WWC1: variants seen among roughly 807,000 people sequenced by gnomAD.
The protein encoded by WWC1 is WW and C2 domain containing 1.
Under a neutral mutation model 138.4 loss-of-function variants are expected in WWC1, and 55 were observed. The ratio of observed to expected loss-of-function variants is 0.40; its 90% confidence interval spans 0.32 to 0.50. WWC1 has a LOEUF of 0.50. Among genes scored for constraint, WWC1 ranks in the 20% least tolerant of loss-of-function variants. The pLI is 0.72. For missense variants in WWC1, 1,226 were observed against 1,420.4 expected, an observed-to-expected ratio of 0.86 and a Z score of 2.20; for synonymous variants, 524 against 564.9, an observed-to-expected ratio of 0.93 and a Z score of 1.03.
chr5:168,467,381 C>T (rs1757389518), intron 21 of WWC1, among the ~76,000 whole-genome samples: 1 of 152,174 alleles, frequency 6.6e-6, no homozygotes, highest in Non-Finnish European at 1.5e-5. Context: ...AAAGTGTTTA[C>T]ATACGTTTAC....
At chr5:168,400,211 A>C (rs752497815) in intron 5 of WWC1, among the ~76,000 whole-genome samples, 1 of 149,446 alleles carries the variant, frequency 6.7e-6, no homozygotes, top group African/African-American at 2.5e-5. Flanking sequence ...TTCGGGGTAC[A>C]TGTGCAGGTT....
chr5:168,342,691 G>T (rs1237698843), intron 1 of WWC1, among the ~76,000 whole-genome samples: 1 of 152,072 alleles, frequency 6.6e-6, no homozygotes, highest in Non-Finnish European at 1.5e-5. Flanking sequence ...GGAGGAGGGG[G>T]TTCATGGAAA....
intron 19 of WWC1, among the ~76,000 whole-genome samples, chr5:168,457,925 T>C (rs1319161575): frequency 1.3e-5 from 2 of 151,894 alleles, no homozygotes; most frequent in Non-Finnish European, 2.9e-5. Flanking sequence ...CAAGAGACAA[T>C]AGTAATAGAC....
Position 168,464,714 on chromosome 5 carries a change from T to TTCCC in WWC1, c.2917-15_2917-14insTCCC. ...AGAGCTCTAATAACAAGAGAAGCCG[T>TTCCC]CCCCACCCCCACAGCCTTCCTCGGT... On this transcript the variant is annotated splice_polypyrimidine_tract_variant and intron_variant, in intron 20 of 22. Transcript: ENST00000265293. 6.2e-7 allele frequency: 1 copy of TTCCC among 1,613,862 alleles called. No homozygotes were observed. Among genetic ancestry groups the TTCCC allele is most frequent in the South Asian group, 1.1e-5 (1 of 91,048 alleles).
chr5:168,459,491 A>G (rs1378954956), intron 19 of WWC1, among the ~76,000 whole-genome samples: 1 of 152,108 alleles, frequency 6.6e-6, no homozygotes, highest in African/African-American at 2.4e-5. Context: ...CAACTATACA[A>G]GCTTCTTAAT....
chr5:168,358,059 C>G (rs1420214998), intron 1 of WWC1, among the ~76,000 whole-genome samples: 1 of 152,168 alleles, frequency 6.6e-6, no homozygotes, highest in Admixed American at 6.5e-5. Context: ...ACTTGGGACC[C>G]TTGCATGTGG....
intron 1 of WWC1, among the ~76,000 whole-genome samples, chr5:168,297,153 G>A (rs1769608247): frequency 6.6e-6 from 1 of 152,342 alleles, no homozygotes; most frequent in South Asian, 2.1e-4. Context: ...GTGAAGGTAG[G>A]TAGGGCAGCA....
At chr5:168,295,724 G>A (rs934488801) in intron 1 of WWC1, among the ~76,000 whole-genome samples, 15 of 152,118 alleles carry the variant, frequency 9.9e-5, no homozygotes, top group African/African-American at 3.6e-4. Context: ...TGTGCTGGCC[G>A]GCCAGGAGCT....
rs138361254 is a variant in WWC1 at position 168,425,436 on chromosome 5, A to G, written c.1810+1368A>G. The stretch of plus-strand genomic sequence containing the variant: ...GTTTAGGATTTAGGTACTTCTCTGC[A>G]TATTTACTCATTTAAGCCTTACAAC... On this transcript the variant is annotated intron_variant, in intron 11 of 22. Coordinates refer to ENST00000265293, the MANE Select transcript of WWC1 (RefSeq NM_015238.3). Among the ~76,000 whole-genome samples the G allele has an allele frequency of 9.4e-3, 1,433 of 151,794 alleles. 17 individuals are homozygous for G. The highest frequency in any genetic ancestry group is 0.015 in the Non-Finnish European group (1,037 of 67,980).
At chr5:168,429,240 G>A (rs1292849957) in intron 13 of WWC1, among the ~76,000 whole-genome samples, 1 of 150,638 alleles carries the variant, frequency 6.6e-6, no homozygotes, top group African/African-American at 2.4e-5. Flanking sequence ...TTTTGTTGGG[G>A]GATGATATGA....
intron 12 of WWC1, 53 bp from the exon 13 acceptor site, chr5:168,428,654 A>C: frequency 6.4e-7 from 1 of 1,571,344 alleles, no homozygotes; most frequent in Non-Finnish European, 8.8e-7. Flanking sequence ...GCCTCCCAGA[A>C]TAGTTTGTTC....
chr5:168,402,380 C>T, intron 5 of WWC1, among the ~76,000 whole-genome samples: 1 of 152,164 alleles, frequency 6.6e-6, no homozygotes, highest in South Asian at 2.1e-4. Flanking sequence ...GACTTAACCC[C>T]TGTGAGCTTT....
intron 3 of WWC1, among the ~76,000 whole-genome samples, chr5:168,389,293 A>C (rs950967368): frequency 2.6e-5 from 4 of 151,840 alleles, no homozygotes; most frequent in Non-Finnish European, 5.9e-5. Context: ...TGAAAAATAC[A>C]AAAATTAGCT....
intron 1 of WWC1, among the ~76,000 whole-genome samples, chr5:168,335,862 T>C (rs1773411606): frequency 6.6e-6 from 1 of 152,230 alleles, no homozygotes; most frequent in African/African-American, 2.4e-5. Flanking sequence ...AGAAATTAAT[T>C]AGCAGAACCA....
chr5:168,302,299 C>T (rs1581858679), intron 1 of WWC1, among the ~76,000 whole-genome samples: 1 of 152,338 alleles, frequency 6.6e-6, no homozygotes, highest in South Asian at 2.1e-4. Context: ...GCCATTCACT[C>T]AGCAGGTATT....
Position 168,292,241 on chromosome 5 carries a change from G to A in WWC1, c.89G>A (p.Arg30His), listed in dbSNP as rs771716576. The A allele has an allele frequency of 2.5e-6, 4 of 1,597,076 alleles. No individual in the cohort carries two copies. Among genetic ancestry groups the A allele is most frequent in the South Asian group, 1.1e-5 (1 of 87,930 alleles). ...GTCTACTACATAGACCACACGAACC[G>A]CACCACCAGCTGGATCGACCCGCGG... ...GKVYYIDHTN[R>H]TTSWIDPRDR... The change falls in exon 1 of 23, where the codon CGC becomes CAC. Residue 30 changes from arginine (R) to histidine (H), a missense_variant. By Grantham distance (29) the Arg-to-His change is conservative (BLOSUM62 0). Transcript: ENST00000265293. The surrounding 1 kb of genome is among the most constrained non-coding windows in gnomAD (Gnocchi z 4.4).
intron 1 of WWC1, among the ~76,000 whole-genome samples, chr5:168,359,036 GTGTGT>G (rs1561655002): frequency 3.0e-4 from 5 of 16,884 alleles, no homozygotes; most frequent in Non-Finnish European, 6.8e-4. Context: ...GTGGTGGGGT[GTGTGT>G]GTGTGTGTGT....
Position 168,292,172 on chromosome 5 carries a change from C to G in WWC1, c.20C>G (p.Pro7Arg), listed in dbSNP as rs755080861. 4.2e-5 allele frequency: 65 copies of G among 1,546,358 alleles called. No individual in the cohort carries two copies. Among genetic ancestry groups the G allele is most frequent in the Non-Finnish European group, 5.2e-5 (60 of 1,145,536 alleles). ...GGGAAGATGCCCCGGCCGGAGCTGC[C>G]CCTGCCGGAGGGCTGGGAGGAGGCG... MPRPEL[P>R]LPEGWEEARD... Residue 7 changes from proline to arginine, a missense_variant, in exon 1 of 23, where the codon CCC becomes CGC. Pro to Arg is a moderately radical substitution (Grantham distance 103). Around this residue, in one of 3 missense-constraint regions of WWC1, gnomAD observed 1,016 missense variants for 1,153.9 expected, o/e 0.88. Coordinates refer to ENST00000265293, the MANE Select transcript of WWC1 (RefSeq NM_015238.3). This position sits in a 1 kb window ranked among gnomAD's most constrained non-coding sequence, Gnocchi z 4.4.
intron 1 of WWC1, among the ~76,000 whole-genome samples, chr5:168,367,234 G>C (rs1010670565): frequency 6.6e-6 from 1 of 152,170 alleles, no homozygotes; most frequent in Non-Finnish European, 1.5e-5. Context: ...TGCTTCAGAT[G>C]TCCCTCTTGT....
Sources: gnomAD v4.1 joint callset for allele counts (sites outside exome capture counted in the v4.1 genomes callset) on GRCh38, gnomAD v4.1.1 for gene constraint, gnomAD v4.1.1 regional missense constraint, Gnocchi (gnomAD v3.1) non-coding constraint, MANE v1.5 for transcripts, NCBI Gene and HGNC (gene_info 2026-07-23, HGNC 2026-07-21) for gene names.